VTI1A: variants seen among roughly 807,000 people sequenced by gnomAD.
VTI1A encodes vesicle transport through interaction with t-SNAREs homolog 1A.
Under a neutral mutation model 34.9 loss-of-function variants are expected in VTI1A, and 22 were observed. The observed-to-expected ratio is 0.63, with a 90% CI of 0.45 to 0.90. The LOEUF (loss-of-function observed/expected upper bound fraction) is 0.90, where lower values mean the gene tolerates loss of function less well. Among genes scored for constraint, VTI1A ranks in the 40% least tolerant of loss-of-function variants. The probability of loss-of-function intolerance (pLI) is 0.00; values close to 1 mark genes in which losing one functional copy is unlikely to be tolerated. For missense variants in VTI1A, 268 were observed against 275.6 expected, an observed-to-expected ratio of 0.97 and a Z score of 0.20; for synonymous variants, 87 against 97.3, an observed-to-expected ratio of 0.89 and a Z score of 0.62.
chr10:112,703,358 G>A (rs1464599302), intron 7 of VTI1A, among the ~76,000 whole-genome samples: 4 of 151,962 alleles, frequency 2.6e-5, no homozygotes, highest in East Asian at 1.9e-4. Context: ...ACTTGAGGTC[G>A]GGAGTTCAAG....
chr10:112,545,477 A>G (rs541790124), intron 5 of VTI1A, among the ~76,000 whole-genome samples: 1 of 152,232 alleles, frequency 6.6e-6, no homozygotes, highest in Non-Finnish European at 1.5e-5. Flanking sequence ...ATCTCACAAA[A>G]CTATGGTATT....
intron 3 of VTI1A, among the ~76,000 whole-genome samples, chr10:112,471,252 C>T (rs976124591): frequency 6.6e-6 from 1 of 151,982 alleles, no homozygotes; most frequent in African/African-American, 2.4e-5. Flanking sequence ...AATTTGCAGT[C>T]AGCATCGTGT....
intron 7 of VTI1A, among the ~76,000 whole-genome samples, chr10:112,698,745 A>C (rs1419527980): frequency 6.6e-6 from 1 of 152,208 alleles, no homozygotes; most frequent in Non-Finnish European, 1.5e-5. Flanking sequence ...GCTGGAACAC[A>C]TGCTTTGCCA....
chr10:112,598,282 G>A (rs1844745782), intron 5 of VTI1A, among the ~76,000 whole-genome samples: 1 of 152,092 alleles, frequency 6.6e-6, no homozygotes, highest in African/African-American at 2.4e-5. Flanking sequence ...TAAAGCGTAT[G>A]GTTGTGTTTT....
At chr10:112,674,138 A>G (rs1046575941) in intron 7 of VTI1A, among the ~76,000 whole-genome samples, 2 of 152,066 alleles carry the variant, frequency 1.3e-5, no homozygotes, top group South Asian at 2.1e-4. Flanking sequence ...TTACTTCTCT[A>G]TCTCTTTTTC....
chr10:112,527,094 C>A lies in VTI1A; in HGVS notation c.272C>A (p.Ser91Ter). 6.2e-7 allele frequency: 1 copy of A among 1,612,884 alleles called. No individual in the cohort carries two copies. Among genetic ancestry groups the A allele is most frequent in the South Asian group, 1.1e-5 (1 of 90,834 alleles). ...MGKLETDFKR[S>*]RIAYSDEVRN... ...TTTTGTTTTGTTTTATAGAAAAGGT[C>A]ACGGATCGCCTACAGTGACGAAGTA... is the stretch of plus-strand genomic sequence containing the variant. Residue 91 changes from serine to a stop codon, truncating the protein, a stop_gained, in exon 4 of 8, where the codon TCA becomes TAA. Transcript: ENST00000393077. LOFTEE classifies it high-confidence loss of function.
chr10:112,799,481 T>C (rs1010508825), intron 7 of VTI1A, among the ~76,000 whole-genome samples: 1 of 152,164 alleles, frequency 6.6e-6, no homozygotes, highest in Admixed American at 6.5e-5. Flanking sequence ...CAGCAGCCCC[T>C]CGCTTTAGAA....
At chr10:112,456,719 C>T (rs1564784464) in intron 1 of VTI1A, among the ~76,000 whole-genome samples, 1 of 152,190 alleles carries the variant, frequency 6.6e-6, no homozygotes, top group African/African-American at 2.4e-5. Flanking sequence ...ATAGAACTGA[C>T]AGGCTGCCCT....
the VTI1A span, chr10:112,832,537 T>C: frequency 6.6e-6 from 1 of 152,212 alleles, no homozygotes; most frequent in South Asian, 2.1e-4. Flanking sequence ...CTTCTCTTTC[T>C]CAGAAGAATG....
At chr10:112,592,356 TGGATCCAAAATGCCCTTCCCCCAC>T (rs899047769) in intron 5 of VTI1A, among the ~76,000 whole-genome samples, 1 of 152,152 alleles carries the variant, frequency 6.6e-6, no homozygotes, top group African/African-American at 2.4e-5. Context: ...AATGAAGACA[TGGATCCAAAATGCCCTTCCCCCAC>T]CATTGCTAAC....
chr10:112,746,301 T>G (rs1482318729), intron 7 of VTI1A, among the ~76,000 whole-genome samples: 1 of 152,214 alleles, frequency 6.6e-6, no homozygotes, highest in Non-Finnish European at 1.5e-5. Flanking sequence ...ATAAATATAG[T>G]ACAGTCCTTA....
chr10:112,496,224 ATAAG>A (rs1849022425), intron 3 of VTI1A, among the ~76,000 whole-genome samples: 1 of 142,712 alleles, frequency 7.0e-6, no homozygotes, highest in Non-Finnish European at 1.5e-5. Context: ...CAAAATAAAA[ATAAG>A]TAAAGCCTGA....
At chr10:112,845,179 C>T in the VTI1A span, among the ~76,000 whole-genome samples, 5 of 152,102 alleles carry the variant, frequency 3.3e-5, no homozygotes, top group Admixed American at 2.0e-4. Flanking sequence ...CACCATTCCA[C>T]GCCTGCTCTG....
At chr10:112,473,922 TG>T (rs1457190314) in intron 3 of VTI1A, among the ~76,000 whole-genome samples, 1 of 152,234 alleles carries the variant, frequency 6.6e-6, no homozygotes, top group Non-Finnish European at 1.5e-5. Flanking sequence ...TACTCTTCCA[TG>T]GAAGATACAT....
chr10:112,736,807 C>T (rs767566324), intron 7 of VTI1A: 15 of 1,350,328 alleles, frequency 1.1e-5, no homozygotes, highest in East Asian at 5.0e-5. Flanking sequence ...TACTCAAACA[C>T]GTATTGTGCC....
chr10:112,555,175 C>A (rs1268904409), intron 5 of VTI1A, among the ~76,000 whole-genome samples: 1 of 152,144 alleles, frequency 6.6e-6, no homozygotes, highest in African/African-American at 2.4e-5. Flanking sequence ...AGAATTTTCT[C>A]TATATTTAAA....
chr10:112,749,719 G>A (rs1481079946), intron 7 of VTI1A, among the ~76,000 whole-genome samples: 1 of 152,184 alleles, frequency 6.6e-6, no homozygotes, highest in Non-Finnish European at 1.5e-5. Context: ...GAGGGACCTG[G>A]AAATCAGTTC....
chr10:112,728,196 C>G (rs1850112793), intron 7 of VTI1A, among the ~76,000 whole-genome samples: 2 of 152,078 alleles, frequency 1.3e-5, no homozygotes, highest in Non-Finnish European at 2.9e-5. Flanking sequence ...CCCCCCACCC[C>G]CCTCAAAATG....
Position 112,514,974 on chromosome 10 carries a change from A to G in VTI1A, c.265-12113A>G, listed in dbSNP as rs61567640. Among the ~76,000 whole-genome samples, 826 of 152,176 alleles carry G rather than the reference A, an allele frequency of 5.4e-3. 8 individuals carry two copies. The highest frequency in any genetic ancestry group is 0.019 in the African/African-American group (801 of 41,562). ...ATGCTACAGGTTTACCAAGTGACATATTACAGAATTTTGCAAGCACTAAAT... is the reference window on the plus strand; with the variant it reads ...ATGCTACAGGTTTACCAAGTGACATGTTACAGAATTTTGCAAGCACTAAAT... On this transcript the variant is annotated intron_variant, in intron 3 of 7. Coordinates refer to ENST00000393077, the MANE Select transcript of VTI1A (RefSeq NM_145206.4).
Sources: gnomAD v4.1 joint callset for allele counts (sites outside exome capture counted in the v4.1 genomes callset) on GRCh38, gnomAD v4.1.1 for gene constraint, MANE v1.5 for transcripts, NCBI Gene and HGNC (gene_info 2026-07-23, HGNC 2026-07-21) for gene names.